Variants in GRM1 observed in about 807,000 individuals in gnomAD.
GRM1 encodes the protein metabotropic glutamate receptor 1.
A neutral mutation model predicts 90.9 loss-of-function variants in GRM1; 33 were observed. The observed-to-expected ratio is 0.36, with a 90% confidence interval of 0.28 to 0.49. The LOEUF (loss-of-function observed/expected upper bound fraction) is 0.49, where lower values mean the gene tolerates loss of function less well. GRM1 is among the 20% of genes least tolerant of loss of function. The pLI is 0.99. For missense variants in GRM1, 1,190 were observed against 1,534.3 expected, an observed-to-expected ratio of 0.78 and a Z score of 3.75; for synonymous variants, 700 against 613.2, an observed-to-expected ratio of 1.14 and a Z score of -2.09.
At chr6:146,205,447 A>C (rs2114628776) in intron 2 of GRM1, among the ~76,000 whole-genome samples, 1 of 152,334 alleles carries the variant, frequency 6.6e-6, no homozygotes, top group African/African-American at 2.4e-5. Context: ...AATTCTTAAT[A>C]GCTAGATGAT....
chr6:146,173,134 A>G (rs778574612), intron 2 of GRM1, among the ~76,000 whole-genome samples: 22 of 152,148 alleles, frequency 1.4e-4, no homozygotes, highest in Non-Finnish European at 2.8e-4. Flanking sequence ...TCACGCCTGT[A>G]ATTCCAGCAC....
At chr6:146,328,650 T>G (rs956465855) in intron 3 of GRM1, among the ~76,000 whole-genome samples, 34 of 152,222 alleles carry the variant, frequency 2.2e-4, no homozygotes, top group Non-Finnish European at 4.4e-4. Context: ...TGACATATGA[T>G]CTCTATCTTC....
At chr6:146,130,463 T>C (rs1267774370) in intron 1 of GRM1, among the ~76,000 whole-genome samples, 1 of 152,122 alleles carries the variant, frequency 6.6e-6, no homozygotes, top group African/African-American at 2.4e-5. Flanking sequence ...TAACTAGTTT[T>C]ATTTTATATT....
chr6:146,236,844 T>G (rs1396359604), intron 2 of GRM1, among the ~76,000 whole-genome samples: 2 of 152,104 alleles, frequency 1.3e-5, no homozygotes, highest in Non-Finnish European at 2.9e-5. Context: ...AATAGAGACA[T>G]TCTCAAGATT....
At chr6:146,287,921 T>C (rs542220921) in intron 2 of GRM1, among the ~76,000 whole-genome samples, 2 of 152,312 alleles carry the variant, frequency 1.3e-5, no homozygotes, top group South Asian at 4.1e-4. Flanking sequence ...ATTTCTGACC[T>C]CCAGAACTGT....
intron 3 of GRM1, among the ~76,000 whole-genome samples, chr6:146,320,390 C>G (rs1034215645): frequency 1.3e-5 from 2 of 152,100 alleles, no homozygotes; most frequent in Non-Finnish European, 2.9e-5. Flanking sequence ...AGGATTTTCC[C>G]ATCGATGTTC....
Position 146,029,818 on chromosome 6 carries a change from C to A in GRM1, c.301C>A (p.Leu101Met). 1 of 1,614,132 alleles carries A rather than the reference C, an allele frequency of 6.2e-7. No homozygotes were observed. The highest frequency in any genetic ancestry group is 8.5e-7 in the Non-Finnish European group (1 of 1,179,996). The change falls in exon 1 of 8, where the codon CTG (leucine) becomes ATG (methionine). Residue 101 changes from leucine (L) to methionine (M), a missense_variant. By Grantham distance (15) the Leu-to-Met change is conservative (BLOSUM62 2). Around this residue, in one of 10 missense-constraint regions of GRM1, gnomAD observed 91 missense variants for 95.6 expected, o/e 0.95. Transcript: ENST00000282753. ...CCCGGTCCTCCTGCCCAACATCACCCTGGGCAGTGAGATCCGGGACTCCTG... is the reference window on the plus strand; with the variant it reads ...CCCGGTCCTCCTGCCCAACATCACCATGGGCAGTGAGATCCGGGACTCCTG... ...ADPVLLPNIT[L>M]GSEIRDSCWH... is the part of the protein sequence containing the mutation.
intron 1 of GRM1, among the ~76,000 whole-genome samples, chr6:146,039,829 A>T (rs1376709675): frequency 6.6e-6 from 1 of 152,002 alleles, no homozygotes; most frequent in East Asian, 1.9e-4. Context: ...GAAAAAGAGA[A>T]GTCTAGAATA....
intron 7 of GRM1, among the ~76,000 whole-genome samples, chr6:146,400,542 G>T (rs923441062): frequency 2.6e-5 from 4 of 152,116 alleles, no homozygotes; most frequent in Non-Finnish European, 5.9e-5. Flanking sequence ...CTTCTGAGTT[G>T]TTTTTATAAT....
chr6:146,391,525 A>T (rs959168789), intron 6 of GRM1, among the ~76,000 whole-genome samples: 3 of 151,900 alleles, frequency 2.0e-5, no homozygotes, highest in Admixed American at 2.0e-4. Flanking sequence ...TAGTTTTGGG[A>T]TAAACAAACA....
intron 2 of GRM1, among the ~76,000 whole-genome samples, chr6:146,267,766 GT>G (rs1448747497): frequency 6.8e-6 from 1 of 147,886 alleles, no homozygotes; most frequent in African/African-American, 2.5e-5. Context: ...GTCTCTTCAT[GT>G]TTTTCTGCCT....
chr6:146,115,138 T>A (rs1195790482), intron 1 of GRM1, among the ~76,000 whole-genome samples: 4 of 152,026 alleles, frequency 2.6e-5, no homozygotes, highest in African/African-American at 9.7e-5. Context: ...ACTTTAGGTA[T>A]GTTATTTTGT....
In GRM1 at chr6:146,349,327, C is replaced by T. The variant is rs1466498533; in HGVS notation, c.1187-2923C>T. On this transcript the variant is annotated intron_variant, in intron 3 of 7. Transcript: ENST00000282753. ...CGATCTCCTGACCTCATGATCCGTC[C>T]GCCTCAGCCTCCCAAAGTGCTGGGA... Among the ~76,000 whole-genome samples the T allele has an allele frequency of 3.3e-5, 5 of 151,066 alleles. No individual in the cohort carries two copies. The South Asian group carries it at 6.3e-4, about 19-fold the overall frequency.
intron 2 of GRM1, among the ~76,000 whole-genome samples, chr6:146,252,839 A>G (rs1299599313): frequency 1.3e-5 from 2 of 152,030 alleles, no homozygotes; most frequent in African/African-American, 2.4e-5. Context: ...AGGCAGGCAG[A>G]TCATGAGGTT....
At chr6:146,408,808 T>A (rs1777451667) in intron 7 of GRM1, among the ~76,000 whole-genome samples, 1 of 152,108 alleles carries the variant, frequency 6.6e-6, no homozygotes, top group African/African-American at 2.4e-5. Context: ...TAAAGAAAGA[T>A]GAGGTCATTT....
intron 3 of GRM1, among the ~76,000 whole-genome samples, chr6:146,320,497 A>G (rs1784140904): frequency 6.6e-6 from 1 of 151,988 alleles, no homozygotes; most frequent in African/African-American, 2.4e-5. Flanking sequence ...GTTAGGGAGG[A>G]GTCCCTCTTT....
intron 2 of GRM1, among the ~76,000 whole-genome samples, chr6:146,182,400 T>G (rs1192721974): frequency 6.6e-6 from 1 of 152,144 alleles, no homozygotes. Context: ...CAAGAAATTA[T>G]CTAATTTCAT....
chr6:146,141,584 T>C (rs1776883264), intron 1 of GRM1, among the ~76,000 whole-genome samples: 1 of 152,176 alleles, frequency 6.6e-6, no homozygotes. Context: ...TTTTATTTGT[T>C]TGTCTCCTCT....
intron 2 of GRM1, among the ~76,000 whole-genome samples, chr6:146,301,914 C>T (rs1042453242): frequency 1.5e-4 from 23 of 152,068 alleles, no homozygotes; most frequent in African/African-American, 5.3e-4. Flanking sequence ...AGAGGACTCA[C>T]TAGAACAATA....
Sources: allele counts gnomAD v4.1 joint callset (sites outside exome capture counted in the v4.1 genomes callset), GRCh38; gene constraint gnomAD v4.1.1; regional missense constraint gnomAD v4.1.1; transcripts MANE v1.5; gene names NCBI Gene and HGNC (gene_info 2026-07-23, HGNC 2026-07-21).